Variants in MAPKAPK2 observed in about 807,000 individuals in gnomAD.
MAPKAPK2 encodes MAPK activated protein kinase 2, also known as MAP kinase-activated protein kinase 2.
In MAPKAPK2, 9 loss-of-function variants were observed where a neutral mutation model predicts 48.8. The observed-to-expected ratio is 0.18, with a 90% CI of 0.11 to 0.32. The LOEUF (loss-of-function observed/expected upper bound fraction) is 0.32. MAPKAPK2 is among the 10% of genes least tolerant of loss of function. The pLI, the probability that MAPKAPK2 is intolerant of heterozygous loss-of-function variation, is 1.00. For missense variants in MAPKAPK2, 331 were observed against 498.3 expected (o/e 0.66, Z 3.20); for synonymous variants, 202 against 190.6 (o/e 1.06, Z -0.49).
chr1:206,694,552 T>C (rs1553426736), intron 1 of MAPKAPK2, among the ~76,000 whole-genome samples: 1 of 152,208 alleles, frequency 6.6e-6, no homozygotes, highest in East Asian at 1.9e-4. Flanking sequence ...CTGTGATTCC[T>C]AGAAGAAGGT....
chr1:206,712,962 T>TCTCACACACACACACACACA (rs1553429738), intron 1 of MAPKAPK2, among the ~76,000 whole-genome samples: 1 of 112,230 alleles, frequency 8.9e-6, no homozygotes, highest in Non-Finnish European at 1.8e-5. Context: ...TGAGACTCCA[T>TCTCACACACACACACACACA]CACACACACA....
At chr1:206,712,882 C>T (rs1213773647) in intron 1 of MAPKAPK2, among the ~76,000 whole-genome samples, 1 of 151,438 alleles carries the variant, frequency 6.6e-6, no homozygotes, top group African/African-American at 2.4e-5. Context: ...ACGAGAATCT[C>T]TTGGACCCGG....
chr1:206,694,640 C>T (rs538264761), intron 1 of MAPKAPK2, among the ~76,000 whole-genome samples: 18 of 152,288 alleles, frequency 1.2e-4, no homozygotes, highest in East Asian at 1.9e-4. Flanking sequence ...GCAGGTTGCT[C>T]GTCATGCTTG....
intron 1 of MAPKAPK2, among the ~76,000 whole-genome samples, chr1:206,711,288 C>T (rs894942730): frequency 3.3e-5 from 5 of 152,188 alleles, no homozygotes; most frequent in Non-Finnish European, 5.9e-5. Flanking sequence ...ATCTCTCTGT[C>T]GCCCAGGCTG....
intron 1 of MAPKAPK2, among the ~76,000 whole-genome samples, chr1:206,686,634 C>G (rs1249942498): frequency 1.3e-5 from 2 of 152,186 alleles, no homozygotes; most frequent in Non-Finnish European, 2.9e-5. Flanking sequence ...TTTTTCTCTT[C>G]CCCTTCAGCC....
intron 6 of MAPKAPK2, 83 bp downstream of exon 6, chr1:206,730,846 G>GT (rs1316757737): frequency 9.1e-6 from 13 of 1,425,466 alleles, no homozygotes; most frequent in Non-Finnish European, 1.2e-5. Context: ...AGAGGCAGAC[G>GT]TTAGCATTCC....
At chr1:206,726,049 TA>T (rs1264322806) in intron 1 of MAPKAPK2, among the ~76,000 whole-genome samples, 1 of 152,188 alleles carries the variant, frequency 6.6e-6, no homozygotes, top group Non-Finnish European at 1.5e-5. Context: ...TTGCTCCCCT[TA>T]GAGCATGGGA....
At chr1:206,691,199 C>A (rs183083109) in intron 1 of MAPKAPK2, among the ~76,000 whole-genome samples, 1 of 151,966 alleles carries the variant, frequency 6.6e-6, no homozygotes, top group Non-Finnish European at 1.5e-5. Context: ...TGTCAGCATC[C>A]GAGCCACATC....
intron 1 of MAPKAPK2, among the ~76,000 whole-genome samples, chr1:206,706,113 CTTATTTAT>C (rs10525931): frequency 0.29 from 42,606 of 145,690 alleles, 6,621 homozygotes; most frequent in Non-Finnish European, 0.35. Context: ...TTTCCTATCT[CTTATTTAT>C]TTATTTATTT....
In MAPKAPK2 at chr1:206,731,365, G is replaced by T; in HGVS notation, c.892+103G>T. 1 of 1,557,154 alleles carries T rather than the reference G, an allele frequency of 6.4e-7. No homozygotes were observed. Among genetic ancestry groups the T allele is most frequent in the Non-Finnish European group, 8.7e-7 (1 of 1,149,160 alleles). On this transcript the variant is annotated intron_variant, in intron 7 of 9. Transcript: ENST00000367103. The surrounding 1 kb of genome is among the most constrained non-coding windows in gnomAD (Gnocchi z 5.9). ...ATGTATGGGCCTCCATCTCATGTGC[G>T]TGGTGTAACTGTGGGTTAGCACCTA...
At chr1:206,688,923 C>T (rs782492430) in intron 1 of MAPKAPK2, among the ~76,000 whole-genome samples, 32 of 152,132 alleles carry the variant, frequency 2.1e-4, no homozygotes, top group Admixed American at 1.4e-3. Flanking sequence ...TGTGAGCTAC[C>T]GCGCCCGGCC....
At chr1:206,706,324 T>TG (rs1672958186) in intron 1 of MAPKAPK2, among the ~76,000 whole-genome samples, 1 of 151,792 alleles carries the variant, frequency 6.6e-6, no homozygotes, top group African/African-American at 2.4e-5. Context: ...GTCACTCAGA[T>TG]GGGGGAGGAG....
chr1:206,732,914 C>A lies in MAPKAPK2; in HGVS notation c.*196C>A. 1 of 612,386 alleles carries A rather than the reference C, an allele frequency of 1.6e-6. No individual in the cohort carries two copies. Among genetic ancestry groups the A allele is most frequent in the Non-Finnish European group, 2.7e-6 (1 of 364,470 alleles). The allele number at this position is 612,386 out of a possible 1,614,324, so 37.9% of individuals were successfully genotyped here. On this transcript the variant is annotated 3_prime_UTR_variant, in exon 10 of 10. Transcript: ENST00000367103. This position sits in a 1 kb window ranked among gnomAD's most constrained non-coding sequence, Gnocchi z 4.4. ...TGGGAGAGGCTGGGAGGTTGGGAGG[C>A]TGTGGAGAGAAGTGAGCAAGGTGCT...
Position 206,731,448 on chromosome 1 carries a change from A to T in MAPKAPK2, c.892+186A>T, listed in dbSNP as rs896302604. On this transcript the variant is annotated intron_variant, in intron 7 of 9. Coordinates refer to ENST00000367103, the MANE Select transcript of MAPKAPK2 (RefSeq NM_032960.4). This position sits in a 1 kb window ranked among gnomAD's most constrained non-coding sequence, Gnocchi z 5.9. ...TTTGCCTGTGTGGAGGGCTGGAGGC[A>T]GGGCCAAGGCTGTGGGGCTGTGCAG... is the stretch of plus-strand genomic sequence containing the variant. The T allele has an allele frequency of 2.3e-5, 29 of 1,255,788 alleles. No individual in the cohort carries two copies. The South Asian group carries it at 3.5e-4, about 15-fold the overall frequency. 77.8% of individuals were successfully genotyped at this position (1,255,788 alleles called of 1,614,324 possible).
intron 4 of MAPKAPK2, among the ~76,000 whole-genome samples, 177 bp from the exon 5 acceptor site, chr1:206,729,795 C>G (rs1673840372): frequency 6.6e-6 from 1 of 152,254 alleles, no homozygotes; most frequent in Non-Finnish European, 1.5e-5. Flanking sequence ...CTCTGGAAAC[C>G]CTGCAGAGGC....
At chr1:206,686,643 C>T (rs915814083) in intron 1 of MAPKAPK2, among the ~76,000 whole-genome samples, 1 of 152,170 alleles carries the variant, frequency 6.6e-6, no homozygotes, top group Non-Finnish European at 1.5e-5. Flanking sequence ...TCCCCTTCAG[C>T]CCCCACAGCG....
intron 1 of MAPKAPK2, among the ~76,000 whole-genome samples, 176 bp downstream of exon 1, chr1:206,685,684 C>G (rs1288502525): frequency 6.7e-6 from 1 of 148,408 alleles, no homozygotes; most frequent in Non-Finnish European, 1.5e-5. Flanking sequence ...CGGGTCCCAG[C>G]GCCCTCGCCT....
chr1:206,722,005 C>T (rs752234712), intron 1 of MAPKAPK2, among the ~76,000 whole-genome samples: 4 of 150,488 alleles, frequency 2.7e-5, no homozygotes, highest in African/African-American at 7.4e-5. Flanking sequence ...GTGGAGGTTG[C>T]GGTGAGCCGA....
Position 206,732,031 on chromosome 1 carries a change from A to C in MAPKAPK2, c.1059+112A>C. The C allele has an allele frequency of 6.2e-7, 1 of 1,614,102 alleles. No individual in the cohort carries two copies. The highest frequency in any genetic ancestry group is 8.5e-7 in the Non-Finnish European group (1 of 1,180,022). ...GGGAGAGCTTGATTCTGCCTCTCTC[A>C]TCCCAGGGGTGTCTTCATGACAAGA... On this transcript the variant is annotated intron_variant, in intron 9 of 9. Transcript: ENST00000367103. The surrounding 1 kb of genome is among the most constrained non-coding windows in gnomAD (Gnocchi z 4.4).
Sources: gnomAD v4.1 joint callset for allele counts (sites outside exome capture counted in the v4.1 genomes callset) on GRCh38, gnomAD v4.1.1 for gene constraint, Gnocchi (gnomAD v3.1) non-coding constraint, MANE v1.5 for transcripts, NCBI Gene and HGNC (gene_info 2026-07-23, HGNC 2026-07-21) for gene names.